The following UBA2 variants were observed in gnomAD, a reference collection of about 807,000 sequenced individuals.
UBA2 encodes SUMO-activating enzyme subunit 2.
A neutral mutation model predicts 77.2 loss-of-function variants in UBA2; 11 were observed. The ratio of observed to expected loss-of-function variants is 0.14; its 90% CI spans 0.09 to 0.24. The LOEUF is 0.24. Among genes scored for constraint, UBA2 ranks in the 10% least tolerant of loss-of-function variants. The pLI is 1.00. For synonymous variants in UBA2, 278 were observed against 276.7 expected, an observed-to-expected ratio of 1.00 and a Z score of -0.05; for missense variants, 487 against 781.7, an observed-to-expected ratio of 0.62 and a Z score of 4.50.
Position 34,457,117 on chromosome 19 carries a change from T to C in UBA2, c.1246-1652T>C, listed in dbSNP as rs1412797131. ...GCCGAGGCAGGCAGATCACCTGAGA[T>C]TGGAAGTTCGAGACTAGCCTGACTA... On this transcript the variant is annotated intron_variant, in intron 12 of 16. Coordinates refer to ENST00000246548, the MANE Select transcript of UBA2 (RefSeq NM_005499.3). Among the ~76,000 whole-genome samples, 3 of 139,818 alleles carry C rather than the reference T, an allele frequency of 2.1e-5. No individual in the cohort carries two copies. The Admixed American group carries it at 2.2e-4, about 10-fold the overall frequency. 91.7% of individuals were successfully genotyped at this position (139,818 alleles called of 152,430 possible).
chr19:34,441,251 C>G (rs753012656), intron 6 of UBA2, among the ~76,000 whole-genome samples: 2 of 151,906 alleles, frequency 1.3e-5, no homozygotes, highest in African/African-American at 2.4e-5. Context: ...GTCAGGAGAT[C>G]GAGACCATCC....
At chr19:34,431,714 A>G in intron 2 of UBA2, 147 bp from the exon 3 acceptor site, 1 of 675,522 alleles carries the variant, frequency 1.5e-6, no homozygotes, top group Non-Finnish European at 2.6e-6. Flanking sequence ...CTTAACCCTA[A>G]TGCAATTTTC....
At chr19:34,447,876 A>C (rs575024112) in intron 8 of UBA2, among the ~76,000 whole-genome samples, 2 of 152,334 alleles carry the variant, frequency 1.3e-5, no homozygotes, top group African/African-American at 4.8e-5. Flanking sequence ...CAAGGCTTGA[A>C]AGAATAAGAG....
intron 9 of UBA2, among the ~76,000 whole-genome samples, chr19:34,450,799 A>G (rs1599915467): frequency 8.4e-6 from 1 of 118,558 alleles, no homozygotes; most frequent in Non-Finnish European, 1.6e-5. Context: ...CCAAGGCTGG[A>G]GCGCAGTGGC....
intron 15 of UBA2, among the ~76,000 whole-genome samples, chr19:34,466,028 A>G (rs1027816493): frequency 2.6e-5 from 4 of 152,094 alleles, no homozygotes; most frequent in African/African-American, 9.7e-5. Context: ...AAGACACCAC[A>G]TTACTATAGT....
At position 34,438,873 on chromosome 19, in the gene UBA2, G is replaced by T. The variant is rs2075337807; in HGVS notation, c.581+107G>T. On this transcript the variant is annotated intron_variant, in intron 6 of 16. Coordinates refer to ENST00000246548, the MANE Select transcript of UBA2 (RefSeq NM_005499.3). Reference sequence around the variant, plus strand: ...ATTGAACTCAGGATGTTTAAATATGGTGAAGGGATGCTTTAGTAGCTTTCT... The same window carrying T: ...ATTGAACTCAGGATGTTTAAATATGTTGAAGGGATGCTTTAGTAGCTTTCT... 2.1e-6 allele frequency: 3 copies of T among 1,402,196 alleles called. No individual in the cohort carries two copies. The African/African-American group carries it at 4.3e-5, about 20-fold the overall frequency. 86.9% of individuals were successfully genotyped at this position (1,402,196 alleles called of 1,614,324 possible).
intron 12 of UBA2, among the ~76,000 whole-genome samples, chr19:34,456,100 C>CTTTTCTTTTTT (rs2075557152): frequency 2.9e-4 from 16 of 55,800 alleles, no homozygotes; most frequent in African/African-American, 7.9e-4. Flanking sequence ...TTTTCCTTTT[C>CTTTTCTTTTTT]TTTTTCTTTT....
At chr19:34,446,954 C>T (rs554348597) in intron 8 of UBA2, among the ~76,000 whole-genome samples, 11 of 152,072 alleles carry the variant, frequency 7.2e-5, no homozygotes, top group Non-Finnish European at 1.5e-4. Context: ...TCACTACAGC[C>T]CTTTTCTAAA....
chr19:34,431,252 T>TTTC (rs1555726470), intron 2 of UBA2, among the ~76,000 whole-genome samples: 1 of 134,894 alleles, frequency 7.4e-6, no homozygotes, highest in Non-Finnish European at 1.6e-5. Flanking sequence ...TTCTTTTTTT[T>TTTC]TTTTTTTTTT....
At chr19:34,462,980 C>G (rs1032094531) in intron 14 of UBA2, among the ~76,000 whole-genome samples, 3 of 151,892 alleles carry the variant, frequency 2.0e-5, no homozygotes, top group African/African-American at 7.3e-5. Context: ...GCATTTAATC[C>G]CAGCTATTCG....
intron 8 of UBA2, among the ~76,000 whole-genome samples, chr19:34,445,876 T>C (rs1280926976): frequency 6.6e-6 from 1 of 152,236 alleles, no homozygotes; most frequent in Non-Finnish European, 1.5e-5. Flanking sequence ...ATTTGCCTGT[T>C]AAATATTTCT....
intron 4 of UBA2, 98 bp downstream of exon 4, chr19:34,433,510 AACTTAAAAG>A (rs1248532413): frequency 2.4e-6 from 2 of 850,104 alleles, no homozygotes; most frequent in African/African-American, 3.4e-5. Context: ...TGTGATTTAG[AACTTAAAAG>A]ACTTAAGAGA....
chr19:34,433,553 C>T, intron 4 of UBA2, 141 bp downstream of exon 4: 2 of 638,704 alleles, frequency 3.1e-6, no homozygotes, highest in Non-Finnish European at 5.4e-6. Context: ...AAAGCATGCC[C>T]ATTGATTGCA....
chr19:34,443,813 T>C (rs200624992), intron 6 of UBA2, 31 bp from the exon 7 acceptor site: 5 of 1,322,802 alleles, frequency 3.8e-6, no homozygotes, highest in Non-Finnish European at 5.5e-6. Context: ...TGCTTTGTTA[T>C]ACAGAAGTAT....
At chr19:34,429,925 T>G (rs2075232817) in intron 1 of UBA2, among the ~76,000 whole-genome samples, 1 of 152,142 alleles carries the variant, frequency 6.6e-6, no homozygotes, top group Non-Finnish European at 1.5e-5. Context: ...ACTTTAGTAT[T>G]TTTTGAGACA....
chr19:34,466,339 A>G (rs1341591692), intron 15 of UBA2, among the ~76,000 whole-genome samples: 1 of 152,196 alleles, frequency 6.6e-6, no homozygotes, highest in Non-Finnish European at 1.5e-5. Flanking sequence ...CCGTCTCGAA[A>G]AAAAGAAAAA....
intron 6 of UBA2, among the ~76,000 whole-genome samples, chr19:34,440,169 C>T (rs2075353169): frequency 6.6e-6 from 1 of 151,838 alleles, no homozygotes; most frequent in Non-Finnish European, 1.5e-5. Flanking sequence ...ACTATAAATA[C>T]AAAAATTAAC....
intron 10 of UBA2, 29 bp downstream of exon 10, chr19:34,452,176 T>C (rs771522402): frequency 6.5e-7 from 1 of 1,530,054 alleles, no homozygotes; most frequent in Non-Finnish European, 8.9e-7. Flanking sequence ...TGGCAAGTAC[T>C]TACATGTCAA....
intron 2 of UBA2, among the ~76,000 whole-genome samples, chr19:34,431,388 A>T (rs763840037): frequency 4.6e-5 from 7 of 151,096 alleles, no homozygotes; most frequent in Non-Finnish European, 8.8e-5. Context: ...AAGTGCTGGG[A>T]TTACAGGCAT....
Sources: gnomAD v4.1 joint callset for allele counts (sites outside exome capture counted in the v4.1 genomes callset) on GRCh38, gnomAD v4.1.1 for gene constraint, MANE v1.5 for transcripts, NCBI Gene and HGNC (gene_info 2026-07-23, HGNC 2026-07-21) for gene names.